ADGRB2: variants seen among roughly 807,000 people sequenced by gnomAD.
ADGRB2 encodes adhesion G protein-coupled receptor B2.
Under a neutral mutation model 178.7 loss-of-function variants are expected in ADGRB2, and 47 were observed. The observed-to-expected ratio is 0.26, with a 90% confidence interval of 0.21 to 0.34. The LOEUF (loss-of-function observed/expected upper bound fraction) is 0.34, where lower values mean the gene tolerates loss of function less well. ADGRB2 is among the 10% of genes least tolerant of loss of function. The pLI, the probability that ADGRB2 is intolerant of heterozygous loss-of-function variation, is 1.00. For missense variants in ADGRB2, 1,584 were observed against 2,180.8 expected (o/e 0.73, Z 5.45); for synonymous variants, 870 against 912.4 (o/e 0.95, Z 0.84).
rs1553185114 is a variant in ADGRB2 at position 31,740,895 on chromosome 1, G to GCGCACACACACA, written c.1795-355_1795-354insTGTGTGTGTGCG. On this transcript the variant is annotated intron_variant, in intron 11 of 32. Transcript: ENST00000373658. This position sits in a 1 kb window ranked among gnomAD's most constrained non-coding sequence, Gnocchi z 5.9. The stretch of plus-strand genomic sequence containing the variant: ...AATGAGCATGTGTGTGGGCGCGCGC[G>GCGCACACACACA]CACACACACACACACACACACACAC... Among the ~76,000 whole-genome samples, 228 of 140,480 alleles carry GCGCACACACACA rather than the reference G, an allele frequency of 1.6e-3. No individual in the cohort carries two copies. Among genetic ancestry groups the GCGCACACACACA allele is most frequent in the Admixed American group, 5.3e-3 (75 of 14,272 alleles). The allele number at this position is 140,480 out of a possible 152,430, so 92.2% of individuals were successfully genotyped here. A position where few individuals can be genotyped will look rare whatever the true frequency, so the allele number is the denominator to read the frequency against.
chr1:31,738,275 G>T lies in ADGRB2; in HGVS notation c.2697C>A (p.Thr899=), dbSNP rs1193856596. The T allele has an allele frequency of 6.2e-7, 1 of 1,614,042 alleles. No individual in the cohort carries two copies. Among genetic ancestry groups the T allele is most frequent in the South Asian group, 1.1e-5 (1 of 91,070 alleles). ...ACTGGCAGCGGGTGTGAGCTGCCTG[G>T]GTCTCCAGGGTCTGGCAATTTTCAG... ...WDTENCQTLE[T]QAAHTRCQCQ... is the part of the protein sequence containing the mutation. Residue 899 remains threonine, a synonymous_variant, in exon 18 of 33, where the codon ACC becomes ACA. Transcript: ENST00000373658.
intron 27 of ADGRB2, 69 bp from the exon 28 acceptor site, chr1:31,732,223 G>C: frequency 6.3e-7 from 1 of 1,593,474 alleles, no homozygotes; most frequent in Non-Finnish European, 8.6e-7. Flanking sequence ...AGGAGGCTCA[G>C]GCCCTCCCCA....
chr1:31,757,317 G>T, intron 2 of ADGRB2, 36 bp from the exon 3 acceptor site: 1 of 1,509,402 alleles, frequency 6.6e-7, no homozygotes, highest in South Asian at 1.1e-5. Context: ...GTTTGACTAT[G>T]ATTTGCTTTT....
intron 4 of ADGRB2, among the ~76,000 whole-genome samples, chr1:31,746,430 C>T (rs1646275113): frequency 6.6e-6 from 1 of 152,160 alleles, no homozygotes; most frequent in African/African-American, 2.4e-5. Context: ...CCTCGATCCC[C>T]TCCCCCAGCC....
Position 31,733,026 on chromosome 1 carries a change from G to T in ADGRB2, c.3570C>A (p.Phe1190Leu), listed in dbSNP as rs1285451606. Residue 1190 changes from phenylalanine to leucine, a missense_variant, in exon 26 of 33, where the codon TTC (phenylalanine) becomes TTA (leucine). Physicochemically the swap from Phe to Leu is conservative, Grantham distance 22. Around this residue, in one of 3 missense-constraint regions of ADGRB2, gnomAD observed 865 missense variants for 1,192.8 expected, o/e 0.73. Coordinates refer to ENST00000373658, the MANE Select transcript of ADGRB2 (RefSeq NM_001364857.2). The surrounding 1 kb of genome is among the most constrained non-coding windows in gnomAD (Gnocchi z 4.3). ...SVLFQALFAV[F>L]NSAQGFVITA... ...TGATGACAAAGCCCTGCGCGGAGTT[G>T]AAGACAGCAAAGAGGGCCTGGAAGA... The T allele has an allele frequency of 6.4e-7, 1 of 1,573,002 alleles. No individual in the cohort carries two copies. Among genetic ancestry groups the T allele is most frequent in the Non-Finnish European group, 8.6e-7 (1 of 1,159,464 alleles).
chr1:31,740,548 GT>G lies in ADGRB2; in HGVS notation c.1795-8del. On this transcript the variant is annotated splice_region_variant and splice_polypyrimidine_tract_variant and intron_variant, in intron 11 of 32. Coordinates refer to ENST00000373658, the MANE Select transcript of ADGRB2 (RefSeq NM_001364857.2). This position sits in a 1 kb window ranked among gnomAD's most constrained non-coding sequence, Gnocchi z 5.9. ...TGGCCAGGTGCTCCCTAAGCTGTAG[GT>G]GATGAGGGGGCCACAGTCACTGAAG... is the stretch of plus-strand genomic sequence containing the variant. The G allele has an allele frequency of 6.3e-7, 1 of 1,588,896 alleles. No individual in the cohort carries two copies. The highest frequency in any genetic ancestry group is 8.6e-7 in the Non-Finnish European group (1 of 1,166,662).
In ADGRB2 at chr1:31,740,370, C is replaced by A. The variant is rs764421098; in HGVS notation, c.1966G>T (p.Val656Leu). 1 of 1,613,096 alleles carries A rather than the reference C, an allele frequency of 6.2e-7. No individual in the cohort carries two copies. The highest frequency in any genetic ancestry group is 1.7e-4 in the Middle Eastern group (1 of 6,058). ...ACCTGCACATCATCAGCCGAGGGCA[C>A]GTAGGTGGCCCTCTTAAAGGTGTCA... ...VTDTFKRATY[V>L]PSADDVQRFF... Residue 656 changes from valine to leucine, a missense_variant, in exon 12 of 33, where the codon GTG becomes TTG. Coordinates refer to ENST00000373658, the MANE Select transcript of ADGRB2 (RefSeq NM_001364857.2). This position sits in a 1 kb window ranked among gnomAD's most constrained non-coding sequence, Gnocchi z 5.9.
chr1:31,739,825 T>C lies in ADGRB2; in HGVS notation c.2167+101A>G, dbSNP rs575368400. 9 of 1,272,146 alleles carry C rather than the reference T, an allele frequency of 7.1e-6. No individual in the cohort carries two copies. In the African/African-American group the frequency reaches 1.2e-4, roughly 17 times the overall value. The allele number at this position is 1,272,146 out of a possible 1,614,324, so 78.8% of individuals were successfully genotyped here. On this transcript the variant is annotated intron_variant, in intron 14 of 32. Transcript: ENST00000373658. The stretch of plus-strand genomic sequence containing the variant: ...CACATAGATGAAGGAGAGGGTAGAA[T>C]GTGGACAGAAAGATACAAATACGGG...
chr1:31,732,941 GCA>G (rs1428735253), intron 26 of ADGRB2, 29 bp downstream of exon 26: 18 of 1,545,850 alleles, frequency 1.2e-5, no homozygotes, highest in Admixed American at 2.0e-5. Flanking sequence ...GGTGTGGTGG[GCA>G]CACACAGGCG....
intron 1 of ADGRB2, among the ~76,000 whole-genome samples, chr1:31,762,443 A>C (rs879834136): frequency 1.8e-4 from 28 of 152,106 alleles, no homozygotes; most frequent in South Asian, 4.1e-4. Flanking sequence ...CTTTGCCCCC[A>C]GCCCTCACCT....
At position 31,744,281 on chromosome 1, in the gene ADGRB2, G is replaced by A. The variant is rs953549121; in HGVS notation, c.999C>T (p.Thr333=). 1.4e-5 allele frequency: 21 copies of A among 1,551,274 alleles called. No individual in the cohort carries two copies. The Admixed American group carries it at 2.6e-4, about 19-fold the overall frequency. The change falls in exon 6 of 33, where the codon ACC becomes ACT. Residue 333 remains threonine, a synonymous_variant. Transcript: ENST00000373658. This position sits in a 1 kb window ranked among gnomAD's most constrained non-coding sequence, Gnocchi z 6.7. The stretch of plus-strand genomic sequence containing the variant: ...CATAGGGGGAGGACACACAGGAGCG[G>A]GTCCGCACCTGCAGACCCTGCCCAC... ...LTCGQGLQVR[T]RSCVSSPYGT...
rs756435459 is a variant in ADGRB2 at position 31,753,532 on chromosome 1, T to C, written c.838+2467A>G. Reference sequence around the variant, plus strand: ...CCAGAGAAGATGAACACAGCTTCCCTGCCCTGGTGCCTGGGAGAGGGGCCA... The same window carrying C: ...CCAGAGAAGATGAACACAGCTTCCCCGCCCTGGTGCCTGGGAGAGGGGCCA... On this transcript the variant is annotated intron_variant, in intron 4 of 32. Coordinates refer to ENST00000373658, the MANE Select transcript of ADGRB2 (RefSeq NM_001364857.2). This position sits in a 1 kb window ranked among gnomAD's most constrained non-coding sequence, Gnocchi z 4.1. 6.6e-6 allele frequency among the ~76,000 whole-genome samples: 1 copy of C among 152,174 alleles called. No individual in the cohort carries two copies. The highest frequency in any genetic ancestry group is 1.5e-5 in the Non-Finnish European group (1 of 68,020).
At position 31,731,199 on chromosome 1, in the gene ADGRB2, A is replaced by C; in HGVS notation, c.3981T>G (p.Cys1327Trp). The change falls in exon 29 of 33, where the codon TGT becomes TGG. Residue 1327 changes from cysteine (C) to tryptophan (W), a missense_variant. This residue lies in a region of ADGRB2 where 865 missense variants were observed against 1,192.8 expected (regional missense o/e 0.73). Transcript: ENST00000373658. ...PPQEANPVYM[C>W]GEGGLRQLDL... ...CCAGCTGCCGCAGGCCACCCTCCCC[A>C]CACATGTAAACAGGGTTGGCCTCCT... 2 of 1,600,272 alleles carry C rather than the reference A, an allele frequency of 1.2e-6. No individual in the cohort carries two copies. Among genetic ancestry groups the C allele is most frequent in the Non-Finnish European group, 1.7e-6 (2 of 1,174,192 alleles).
intron 16 of ADGRB2, 77 bp downstream of exon 16, chr1:31,738,753 CAG>C: frequency 6.3e-7 from 1 of 1,594,716 alleles, no homozygotes; most frequent in Non-Finnish European, 8.6e-7. Flanking sequence ...CCATCAGGGA[CAG>C]AGTGCTTCCC....
rs775597760 is a variant in ADGRB2 at position 31,744,914 on chromosome 1, G to T, written c.839-183C>A. ...ACTATTTCACAGACAAGGAAACTGA[G>T]GTTCAGAAGGCTACACAGGACTAGG... On this transcript the variant is annotated intron_variant, in intron 4 of 32. Transcript: ENST00000373658. This position sits in a 1 kb window ranked among gnomAD's most constrained non-coding sequence, Gnocchi z 6.7. Among the ~76,000 whole-genome samples the T allele has an allele frequency of 6.6e-6, 1 of 152,206 alleles. No individual in the cohort carries two copies. Among genetic ancestry groups the T allele is most frequent in the Non-Finnish European group, 1.5e-5 (1 of 68,026 alleles).
rs1557744314 is a variant in ADGRB2 at position 31,735,567 on chromosome 1, G to GTT, written c.3353+12_3353+13insAA. On this transcript the variant is annotated intron_variant, in intron 24 of 32. Coordinates refer to ENST00000373658, the MANE Select transcript of ADGRB2 (RefSeq NM_001364857.2). This position sits in a 1 kb window ranked among gnomAD's most constrained non-coding sequence, Gnocchi z 6.0. ...TTTCCAGAAAGGCCAAGTCTCAGAG[G>GTT]CCCCCCCCTTACCCGGCCCTCTGCT... 1 of 1,611,496 alleles carries GTT rather than the reference G, an allele frequency of 6.2e-7. No individual in the cohort carries two copies. Among genetic ancestry groups the GTT allele is most frequent in the South Asian group, 1.1e-5 (1 of 90,996 alleles).
rs1383782130 is a variant in ADGRB2, at chr1:31,741,808, C to T, written c.1577G>A (p.Arg526Lys). The change falls in exon 9 of 33, where the codon AGG (arginine) becomes AAG (lysine). Residue 526 changes from arginine to lysine, a missense_variant. Physicochemically the swap from Arg to Lys is conservative, Grantham distance 26 (BLOSUM62 2). Coordinates refer to ENST00000373658, the MANE Select transcript of ADGRB2 (RefSeq NM_001364857.2). This position sits in a 1 kb window ranked among gnomAD's most constrained non-coding sequence, Gnocchi z 6.5. ...GGTCATTAGGGCAGTACCTGGACAC[C>T]TCTTCTCACTACAAGGCTTCACCTC... ...GEEVKPCSEK[R>K]CPAFHEMCRD... 8 of 1,592,548 alleles carry T rather than the reference C, an allele frequency of 5.0e-6. No individual in the cohort carries two copies. In the South Asian group the frequency reaches 5.6e-5, roughly 11 times the overall value.
Position 31,742,958 on chromosome 1 carries a change from G to C in ADGRB2, c.1132C>G (p.Arg378Gly). 1 of 1,536,214 alleles carries C rather than the reference G, an allele frequency of 6.5e-7. No individual in the cohort carries two copies. Among genetic ancestry groups the C allele is most frequent in the Non-Finnish European group, 8.8e-7 (1 of 1,141,250 alleles). ...CTCCGGGACCCCCGCCCGCAGCTGC[G>C]GGAGCACAGGCTCCAGGACCCCCAC... ...EEWGSWSLCSRSCGRGSRSRM... is the reference protein window; with the variant it reads ...EEWGSWSLCSGSCGRGSRSRM... The change falls in exon 7 of 33, where the codon CGC becomes GGC. Residue 378 changes from arginine to glycine, a missense_variant. This residue lies in a region of ADGRB2 where 657 missense variants were observed against 847.6 expected (regional missense o/e 0.78). Coordinates refer to ENST00000373658, the MANE Select transcript of ADGRB2 (RefSeq NM_001364857.2).
intron 4 of ADGRB2, among the ~76,000 whole-genome samples, chr1:31,747,763 C>G (rs1646351524): frequency 6.6e-6 from 1 of 152,232 alleles, no homozygotes; most frequent in South Asian, 2.1e-4. Context: ...ATACATTGTT[C>G]CCAGCTTCCC....
Sources: gnomAD v4.1 joint callset for allele counts (sites outside exome capture counted in the v4.1 genomes callset) on GRCh38, gnomAD v4.1.1 for gene constraint, gnomAD v4.1.1 regional missense constraint, Gnocchi (gnomAD v3.1) non-coding constraint, MANE v1.5 for transcripts, NCBI Gene and HGNC (gene_info 2026-07-23, HGNC 2026-07-21) for gene names.